The following FREM1 variants were observed in gnomAD, a reference collection of about 807,000 sequenced individuals.
FREM1 encodes FRAS1 related extracellular matrix 1, also known as FRAS1-related extracellular matrix protein 1.
Under a neutral mutation model 210.1 loss-of-function variants are expected in FREM1, and 220 were observed. That is an observed-to-expected ratio of 1.05 (90% confidence interval 0.94 to 1.17). The LOEUF is 1.17. Ranked by LOEUF, FREM1 falls within the 50% of genes most tolerant of loss-of-function variation. The pLI is 0.00. For missense variants in FREM1, 3,454 were observed against 2,675.5 expected (o/e 1.29, Z -6.42); for synonymous variants, 1,189 against 980.2 (o/e 1.21, Z -3.98).
chr9:14,804,923 A>C (rs752008777), intron 19 of FREM1, 33 bp downstream of exon 19: 29 of 1,516,028 alleles, frequency 1.9e-5, no homozygotes, highest in East Asian at 4.5e-5. Flanking sequence ...AAAATGATAA[A>C]AGAGAAATGG....
chr9:14,771,837 G>T (rs1229437164), intron 25 of FREM1, among the ~76,000 whole-genome samples: 4 of 152,074 alleles, frequency 2.6e-5, no homozygotes, highest in Admixed American at 6.6e-5. Context: ...ATGAATTGAT[G>T]ATGAAAAATT....
chr9:14,748,519 T>C lies in FREM1; in HGVS notation c.5678A>G (p.Glu1893Gly). The change falls in exon 31 of 37, where the codon GAA becomes GGA. Residue 1893 changes from glutamate to glycine, a missense_variant. Physicochemically the swap from Glu to Gly is moderately conservative, Grantham distance 98. Transcript: ENST00000380880. ...CATGGAAGATGGAAGAGGTCTTCTT[T>C]CCAGATGAAAGGAACCAGAAGTGGT... Reference protein sequence around the residue: ...SSTTSGSFHLERRPLPSSMQL... With the variant: ...SSTTSGSFHLGRRPLPSSMQL... 3 of 1,613,856 alleles carry C rather than the reference T, an allele frequency of 1.9e-6. No homozygotes were observed. The highest frequency in any genetic ancestry group is 1.7e-6 in the Non-Finnish European group (2 of 1,179,800).
At chr9:14,737,625 A>T (rs759756101) in intron 36 of FREM1, 30 bp from the exon 37 acceptor site, 5 of 1,443,112 alleles carry the variant, frequency 3.5e-6, no homozygotes, top group Non-Finnish European at 3.7e-6. Flanking sequence ...TGTACCAATT[A>T]CTTTTATTGC....
At chr9:14,790,228 G>T (rs1851067103) in intron 22 of FREM1, among the ~76,000 whole-genome samples, 1 of 151,996 alleles carries the variant, frequency 6.6e-6, no homozygotes, top group African/African-American at 2.4e-5. Context: ...CAGACTCCCA[G>T]TTCCTGGCAA....
chr9:14,816,304 G>A (rs1820298793), intron 15 of FREM1, among the ~76,000 whole-genome samples: 1 of 152,016 alleles, frequency 6.6e-6, no homozygotes, highest in Non-Finnish European at 1.5e-5. Flanking sequence ...GTTTCTATTG[G>A]CAGGCCTGAG....
intron 10 of FREM1, among the ~76,000 whole-genome samples, chr9:14,840,665 T>C (rs1016072583): frequency 6.6e-6 from 1 of 152,212 alleles, no homozygotes; most frequent in African/African-American, 2.4e-5. Context: ...CAATTCAAGA[T>C]GAGATTTGGG....
chr9:14,884,598 G>A (rs1175121446), intron 1 of FREM1, among the ~76,000 whole-genome samples: 2 of 152,128 alleles, frequency 1.3e-5, no homozygotes, highest in African/African-American at 4.8e-5. Context: ...GGGGAAATGT[G>A]AGCTAGTATT....
intron 1 of FREM1, among the ~76,000 whole-genome samples, chr9:14,906,231 C>T (rs1199814735): frequency 4.6e-5 from 7 of 152,202 alleles, no homozygotes; most frequent in Non-Finnish European, 1.0e-4. Context: ...GCCAACATTA[C>T]AGAGCCAAAG....
chr9:14,738,144 G>C (rs181233705), intron 36 of FREM1, among the ~76,000 whole-genome samples: 277 of 152,218 alleles, frequency 1.8e-3, no homozygotes, highest in African/African-American at 6.3e-3. Context: ...ATAAAAAGCA[G>C]ATTTTCTCGA....
At chr9:14,785,383 T>C (rs1850257310) in intron 23 of FREM1, among the ~76,000 whole-genome samples, 1 of 152,238 alleles carries the variant, frequency 6.6e-6, no homozygotes, top group Non-Finnish European at 1.5e-5. Context: ...TATTTTTTTC[T>C]GGAGAACGTA....
intron 1 of FREM1, among the ~76,000 whole-genome samples, chr9:14,899,630 C>A (rs770028376): frequency 6.6e-6 from 1 of 152,110 alleles, no homozygotes; most frequent in African/African-American, 2.4e-5. Flanking sequence ...AAAAGTGAAA[C>A]CAGTATGGAA....
At position 14,775,940 on chromosome 9, in the gene FREM1, T is replaced by C. The variant is rs1352221402; in HGVS notation, c.4706A>G (p.Gln1569Arg). 1.2e-6 allele frequency: 2 copies of C among 1,613,972 alleles called. No homozygotes were observed. Among genetic ancestry groups the C allele is most frequent in the East Asian group, 4.5e-5 (2 of 44,852 alleles). ...GTGLLQHNFT[Q>R]QDVDSKNVAY... ...CACATTCTTGCTGTCCACATCCTGC[T>C]GGGTGAAATTGTGTTGAAGTAGCCC... The change falls in exon 25 of 37, where the codon CAG becomes CGG. Residue 1569 changes from glutamine (Q) to arginine (R), a missense_variant. Transcript: ENST00000380880.
chr9:14,805,377 G>A (rs533800631), intron 18 of FREM1, among the ~76,000 whole-genome samples: 3 of 152,318 alleles, frequency 2.0e-5, no homozygotes, highest in South Asian at 4.2e-4. Context: ...ATGGAGAACC[G>A]AAGAGTAATA....
chr9:14,860,562 T>G lies in FREM1; in HGVS notation c.330-1078A>C, dbSNP rs1428977682. Among the ~76,000 whole-genome samples the G allele has an allele frequency of 1.5e-5, 2 of 131,616 alleles. 1 individual carries two copies. Among genetic ancestry groups the G allele is most frequent in the South Asian group, 4.6e-4 (2 of 4,388 alleles). 86.3% of individuals were successfully genotyped at this position (131,616 alleles called of 152,430 possible). A position where few individuals can be genotyped will look rare whatever the true frequency, so the allele number is the denominator to read the frequency against. On this transcript the variant is annotated intron_variant, in intron 3 of 36. Coordinates refer to ENST00000380880, the MANE Select transcript of FREM1 (RefSeq NM_001379081.2). The stretch of plus-strand genomic sequence containing the variant: ...ATATATACACATATATATACACACA[T>G]ATATATACACATATATATACACATA...
chr9:14,776,503 T>A (rs1484099623), intron 24 of FREM1, among the ~76,000 whole-genome samples: 2 of 152,186 alleles, frequency 1.3e-5, no homozygotes, highest in African/African-American at 4.8e-5. Context: ...TTAATGTGGT[T>A]CCTTGACGCA....
At chr9:14,905,734 C>CA (rs564085812) in intron 1 of FREM1, among the ~76,000 whole-genome samples, 33 of 152,082 alleles carry the variant, frequency 2.2e-4, no homozygotes, top group Middle Eastern at 6.8e-3. Flanking sequence ...ACTAAAAATA[C>CA]AAAAAAATTA....
rs750911809 is a variant in FREM1 at position 14,805,020 on chromosome 9, G to A, written c.3407C>T (p.Pro1136Leu). The change falls in exon 19 of 37, where the codon CCA becomes CTA. Residue 1136 changes from proline to leucine, a missense_variant. Coordinates refer to ENST00000380880, the MANE Select transcript of FREM1 (RefSeq NM_001379081.2). ...TDGKHHSLEI[P>L]FSIIINPTND... ...TGTGGGGTTGATTATAATAGAAAAT[G>A]GTATCTCCAAGGAGTGATGCTTCCC... The A allele has an allele frequency of 6.2e-7, 1 of 1,613,738 alleles. No homozygotes were observed. The highest frequency in any genetic ancestry group is 2.2e-5 in the East Asian group (1 of 44,878).
chr9:14,754,857 C>T (rs1369006438), intron 29 of FREM1, among the ~76,000 whole-genome samples: 2 of 152,108 alleles, frequency 1.3e-5, no homozygotes, highest in East Asian at 3.9e-4. Flanking sequence ...TTGCTTGAAC[C>T]CAGGAGGCAG....
intron 17 of FREM1, among the ~76,000 whole-genome samples, 189 bp downstream of exon 17, chr9:14,807,751 T>C (rs1186141399): frequency 6.6e-6 from 1 of 152,154 alleles, no homozygotes; most frequent in Non-Finnish European, 1.5e-5. Flanking sequence ...TTTAAACATG[T>C]AAATTCTTTT....
Sources: gnomAD v4.1 joint callset for allele counts (sites outside exome capture counted in the v4.1 genomes callset) on GRCh38, gnomAD v4.1.1 for gene constraint, MANE v1.5 for transcripts, NCBI Gene and HGNC (gene_info 2026-07-23, HGNC 2026-07-21) for gene names.